Variants in SGCD observed in about 807,000 individuals in gnomAD.
SGCD encodes delta-sarcoglycan.
Under a neutral mutation model 36.6 loss-of-function variants are expected in SGCD, and 18 were observed. The observed-to-expected ratio is 0.49, with a 90% CI of 0.34 to 0.73. SGCD has a LOEUF of 0.73. SGCD is among the 30% of genes least tolerant of loss of function. The pLI is 0.01. For synonymous variants in SGCD, 133 were observed against 130.6 expected, an observed-to-expected ratio of 1.02 and a Z score of -0.12; for missense variants, 387 against 346.7, an observed-to-expected ratio of 1.12 and a Z score of -0.92.
At chr5:156,672,716 C>T (rs1753346011) in intron 7 of SGCD, among the ~76,000 whole-genome samples, 1 of 152,128 alleles carries the variant, frequency 6.6e-6, no homozygotes. Flanking sequence ...CCATTTATAG[C>T]CATTGTATGA....
intron 1 of SGCD, among the ~76,000 whole-genome samples, chr5:156,074,283 T>C (rs1760697065): frequency 6.6e-6 from 1 of 152,128 alleles, no homozygotes; most frequent in African/African-American, 2.4e-5. Context: ...CTGATGGGAT[T>C]GTCATCTTGG....
intron 1 of SGCD, among the ~76,000 whole-genome samples, chr5:155,902,822 G>T (rs1342231497): frequency 6.6e-6 from 1 of 152,166 alleles, no homozygotes; most frequent in Admixed American, 6.5e-5. Context: ...CAAAGCATTT[G>T]TAGCAGTAGA....
At chr5:156,416,337 A>G (rs1051737518) in intron 3 of SGCD, among the ~76,000 whole-genome samples, 2 of 152,200 alleles carry the variant, frequency 1.3e-5, no homozygotes, top group African/African-American at 4.8e-5. Context: ...AGGCATAAGA[A>G]TGATACATTG....
chr5:156,656,190 C>A (rs957640500), intron 7 of SGCD, among the ~76,000 whole-genome samples: 3 of 152,058 alleles, frequency 2.0e-5, no homozygotes, highest in African/African-American at 7.2e-5. Context: ...CTGATGTGCT[C>A]TTACGTTACA....
chr5:156,296,074 A>T (rs1159379138), intron 3 of SGCD, among the ~76,000 whole-genome samples: 1 of 152,142 alleles, frequency 6.6e-6, no homozygotes, highest in Non-Finnish European at 1.5e-5. Context: ...GCTCAAACTG[A>T]TTTCTCATGG....
chr5:156,423,093 G>A (rs920464840), intron 3 of SGCD, among the ~76,000 whole-genome samples: 52 of 134,346 alleles, frequency 3.9e-4, no homozygotes, highest in African/African-American at 1.4e-3. Context: ...TTTCACGAGG[G>A]TCATTAGAAA....
chr5:156,123,494 T>A (rs1053467620), intron 2 of SGCD, among the ~76,000 whole-genome samples: 1 of 152,124 alleles, frequency 6.6e-6, no homozygotes, highest in Non-Finnish European at 1.5e-5. Context: ...TTAAACACAT[T>A]GTTTTTGTAT....
chr5:156,736,812 T>TAATC (rs976469283), intron 7 of SGCD, among the ~76,000 whole-genome samples: 24 of 152,326 alleles, frequency 1.6e-4, no homozygotes, highest in Admixed American at 1.2e-3. Flanking sequence ...TTATTGAATG[T>TAATC]AATCACTTTA....
intron 1 of SGCD, among the ~76,000 whole-genome samples, chr5:155,993,710 T>C (rs1234246060): frequency 1.3e-5 from 2 of 152,196 alleles, no homozygotes; most frequent in African/African-American, 4.8e-5. Flanking sequence ...TGATGTTATC[T>C]GTTGGTCAGA....
chr5:156,766,239 T>C lies in SGCD; in HGVS notation c.*6849T>C, dbSNP rs527334241. The C allele has an allele frequency of 8.5e-5, 13 of 152,224 alleles. No homozygotes were observed. 9.4% of individuals were successfully genotyped at this position (152,224 alleles called of 1,614,324 possible). On this transcript the variant is annotated 3_prime_UTR_variant, in exon 9 of 9. Transcript: ENST00000337851. Reference sequence around the variant, plus strand: ...ATTTGGTCAGTATTCTTCTTTACCTTTACTTGTGGCAAAACTCAAGGAAGC... The same window carrying C: ...ATTTGGTCAGTATTCTTCTTTACCTCTACTTGTGGCAAAACTCAAGGAAGC...
At chr5:155,784,131 A>C in the SGCD span, among the ~76,000 whole-genome samples, 1 of 152,154 alleles carries the variant, frequency 6.6e-6, no homozygotes, top group African/African-American at 2.4e-5. Context: ...AGGGACTGGG[A>C]TCTGGGCTGG....
the SGCD span, among the ~76,000 whole-genome samples, chr5:155,769,247 A>T: frequency 6.6e-6 from 1 of 152,268 alleles, no homozygotes; most frequent in Non-Finnish European, 1.5e-5. Flanking sequence ...GCTAGAATGT[A>T]TTCCAAACTG....
At chr5:155,988,308 T>C (rs1354931325) in intron 1 of SGCD, among the ~76,000 whole-genome samples, 1 of 152,100 alleles carries the variant, frequency 6.6e-6, no homozygotes, top group Admixed American at 6.6e-5. Context: ...CCATACCCTT[T>C]CCTTTCGTTA....
the SGCD span, among the ~76,000 whole-genome samples, chr5:155,738,495 T>G: frequency 6.6e-6 from 1 of 152,192 alleles, no homozygotes; most frequent in Non-Finnish European, 1.5e-5. Flanking sequence ...TCATGTATGC[T>G]TCCATTGAGC....
At chr5:156,511,040 C>G (rs563521437) in intron 4 of SGCD, among the ~76,000 whole-genome samples, 1 of 152,108 alleles carries the variant, frequency 6.6e-6, no homozygotes, top group South Asian at 2.1e-4. Context: ...ACAATACTTA[C>G]GTTTATATTT....
chr5:156,424,003 C>T (rs937786280), intron 3 of SGCD, among the ~76,000 whole-genome samples: 2 of 151,894 alleles, frequency 1.3e-5, no homozygotes, highest in Admixed American at 1.3e-4. Context: ...ATGAGTTGAT[C>T]CTACTCCTCT....
intron 1 of SGCD, among the ~76,000 whole-genome samples, chr5:155,982,741 C>T (rs1758253515): frequency 6.6e-6 from 1 of 152,140 alleles, no homozygotes; most frequent in Admixed American, 6.5e-5. Flanking sequence ...CCCTCAGCTA[C>T]GATACTGGTG....
chr5:156,537,923 A>T (rs1404940883), intron 4 of SGCD, among the ~76,000 whole-genome samples: 2 of 152,050 alleles, frequency 1.3e-5, no homozygotes, highest in Non-Finnish European at 1.5e-5. Flanking sequence ...GCCTGGAAAG[A>T]CATACCGTCT....
chr5:156,071,439 T>C (rs566828572), intron 1 of SGCD, among the ~76,000 whole-genome samples: 14 of 152,302 alleles, frequency 9.2e-5, no homozygotes, highest in East Asian at 3.9e-4. Context: ...AGTTGAGCGG[T>C]TTTGAGTGAG....
Sources: gnomAD v4.1 joint callset for allele counts (sites outside exome capture counted in the v4.1 genomes callset) on GRCh38, gnomAD v4.1.1 for gene constraint, MANE v1.5 for transcripts, NCBI Gene and HGNC (gene_info 2026-07-23, HGNC 2026-07-21) for gene names.